The following ARSG variants were observed in gnomAD, a reference collection of about 807,000 sequenced individuals.
ARSG encodes the protein arylsulfatase G, also known as ASG.
In ARSG, 37 loss-of-function variants were observed where a neutral mutation model predicts 50.5. The ratio of observed to expected loss-of-function variants is 0.73; its 90% confidence interval spans 0.56 to 0.96. ARSG has a LOEUF of 0.96. Ranked by LOEUF, ARSG falls within the 50% of genes least tolerant of loss-of-function variation. The pLI, the probability that ARSG is intolerant of heterozygous loss-of-function variation, is 0.00. For missense variants in ARSG, 629 were observed against 675.3 expected, an observed-to-expected ratio of 0.93 and a Z score of 0.76; for synonymous variants, 225 against 254.6, an observed-to-expected ratio of 0.88 and a Z score of 1.11.
At chr17:68,437,016 A>ATGTGTGTGTG in the ARSG span, among the ~76,000 whole-genome samples, 31,279 of 144,448 alleles carry the variant, frequency 0.22, 3,978 homozygotes, top group Middle Eastern at 0.31. Flanking sequence ...ATATATATAT[A>ATGTGTGTGTG]TGTGTGTGTG....
intron 1 of ARSG, among the ~76,000 whole-genome samples, chr17:68,264,001 G>A (rs1555745798): frequency 6.6e-6 from 1 of 152,048 alleles, no homozygotes; most frequent in African/African-American, 2.4e-5. Flanking sequence ...GGGATTACAG[G>A]CACGCACCAA....
chr17:68,373,207 C>T (rs1157901400), intron 8 of ARSG, among the ~76,000 whole-genome samples: 1 of 149,268 alleles, frequency 6.7e-6, no homozygotes, highest in Non-Finnish European at 1.5e-5. Flanking sequence ...GCCACCGTGC[C>T]CGGCCATGAT....
intron 1 of ARSG, among the ~76,000 whole-genome samples, chr17:68,260,351 C>T (rs2075053492): frequency 6.6e-6 from 1 of 152,088 alleles, no homozygotes; most frequent in Non-Finnish European, 1.5e-5. Flanking sequence ...ACCATTTTTC[C>T]CCCGGGTTGT....
chr17:68,372,409 G>A (rs1222220964), intron 8 of ARSG, among the ~76,000 whole-genome samples: 1 of 152,200 alleles, frequency 6.6e-6, no homozygotes, highest in Non-Finnish European at 1.5e-5. Flanking sequence ...TTGACTCACA[G>A]TTCTGTAGGC....
intron 1 of ARSG, among the ~76,000 whole-genome samples, chr17:68,276,636 T>C (rs2075532034): frequency 6.6e-6 from 1 of 152,100 alleles, no homozygotes. Flanking sequence ...TAATTTTTTG[T>C]AGAGATGGAG....
Position 68,407,968 on chromosome 17 carries a change from A to C in ARSG, c.1303+6518A>C, listed in dbSNP as rs1057108999. On this transcript the variant is annotated intron_variant, in intron 11 of 11. Transcript: ENST00000621439. The stretch of plus-strand genomic sequence containing the variant: ...CTTGTTTCAGTTCTCAGAGGGAGTG[A>C]TATCAGCTTTTCCCCATTCAGTATT... 9.4e-5 allele frequency among the ~76,000 whole-genome samples: 14 copies of C among 148,582 alleles called. No individual in the cohort carries two copies. The East Asian group carries it at 2.4e-3, about 25-fold the overall frequency.
At chr17:68,320,642 A>T (rs1555770263) in intron 2 of ARSG, among the ~76,000 whole-genome samples, 1 of 152,120 alleles carries the variant, frequency 6.6e-6, no homozygotes, top group African/African-American at 2.4e-5. Context: ...TGTGTCATAT[A>T]CATGTTTACA....
the ARSG span, among the ~76,000 whole-genome samples, chr17:68,439,071 T>TAAAC: frequency 3.9e-5 from 6 of 152,174 alleles, no homozygotes; most frequent in Non-Finnish European, 5.9e-5. Context: ...TCTGGAACGT[T>TAAAC]TAGCAGTTCT....
chr17:68,342,937 C>T (rs1483173444), intron 2 of ARSG, among the ~76,000 whole-genome samples: 6 of 152,166 alleles, frequency 3.9e-5, no homozygotes, highest in African/African-American at 1.2e-4. Flanking sequence ...CTGCCTATAT[C>T]CGCAAATGAC....
rs577102494 is a variant in ARSG, at chr17:68,372,318, A to G, written c.982+1794A>G. Among the ~76,000 whole-genome samples, 14 of 152,256 alleles carry G rather than the reference A, an allele frequency of 9.2e-5. No homozygotes were observed. In the South Asian group the frequency reaches 1.5e-3, roughly 16 times the overall value. ...GATCGATCGATCGATCGAAACACCAATACTCCAAGAGATAAAATAAACTCA... is the reference window on the plus strand; with the variant it reads ...GATCGATCGATCGATCGAAACACCAGTACTCCAAGAGATAAAATAAACTCA... On this transcript the variant is annotated intron_variant, in intron 8 of 11. Coordinates refer to ENST00000621439, the MANE Select transcript of ARSG (RefSeq NM_001267727.2).
At chr17:68,375,928 G>A (rs1271732774) in intron 8 of ARSG, among the ~76,000 whole-genome samples, 2 of 152,146 alleles carry the variant, frequency 1.3e-5, no homozygotes, top group Non-Finnish European at 2.9e-5. Context: ...GATTTTAAGA[G>A]TGGGAGGGAC....
At chr17:68,415,421 G>T (rs1241520025) in intron 11 of ARSG, among the ~76,000 whole-genome samples, 4 of 152,090 alleles carry the variant, frequency 2.6e-5, no homozygotes, top group Admixed American at 2.6e-4. Context: ...ATTTATTGAG[G>T]CTCATTTTGT....
intron 11 of ARSG, among the ~76,000 whole-genome samples, chr17:68,417,164 G>T (rs2082422917): frequency 1.3e-5 from 2 of 152,136 alleles, no homozygotes; most frequent in African/African-American, 4.8e-5. Flanking sequence ...AACTTCACAA[G>T]TGCTTCTTAG....
intron 6 of ARSG, among the ~76,000 whole-genome samples, chr17:68,365,689 G>T (rs577379262): frequency 5.0e-4 from 76 of 152,332 alleles, no homozygotes; most frequent in Non-Finnish European, 1.0e-3. Flanking sequence ...AACAGCTGCA[G>T]TCTGTAGCAT....
At chr17:68,427,055 G>A (rs2083242830), downstream of ARSG, 3 of 1,191,540 alleles carry the variant, frequency 2.5e-6, no homozygotes, top group Non-Finnish European at 1.2e-6. Flanking sequence ...AGTGAAGGGG[G>A]AAGGGGAGGG....
chr17:68,377,901 C>T (rs574845480), intron 8 of ARSG, among the ~76,000 whole-genome samples: 7 of 152,328 alleles, frequency 4.6e-5, no homozygotes, highest in Admixed American at 2.0e-4. Context: ...AATTCATGAT[C>T]GGGCTGGGGC....
At chr17:68,335,728 G>A (rs547167064) in intron 2 of ARSG, among the ~76,000 whole-genome samples, 1 of 152,242 alleles carries the variant, frequency 6.6e-6, no homozygotes, top group East Asian at 1.9e-4. Flanking sequence ...AAGACAGCTG[G>A]GATTTGCCAA....
chr17:68,368,237 T>C (rs572232366), intron 6 of ARSG, among the ~76,000 whole-genome samples: 1 of 152,180 alleles, frequency 6.6e-6, no homozygotes, highest in Non-Finnish European at 1.5e-5. Context: ...AGTCCTTTAA[T>C]CTCTAAGCTT....
chr17:68,315,883 G>A (rs942190952), intron 2 of ARSG, among the ~76,000 whole-genome samples: 4 of 151,988 alleles, frequency 2.6e-5, no homozygotes, highest in African/African-American at 7.3e-5. Flanking sequence ...CACCTGCCTC[G>A]GCCTCCCAAA....
Sources: gnomAD v4.1 joint callset for allele counts (sites outside exome capture counted in the v4.1 genomes callset) on GRCh38, gnomAD v4.1.1 for gene constraint, MANE v1.5 for transcripts, NCBI Gene and HGNC (gene_info 2026-07-23, HGNC 2026-07-21) for gene names.